The following CAMK2B variants were observed in gnomAD, a reference collection of about 807,000 sequenced individuals.
CAMK2B encodes the protein calcium/calmodulin-dependent protein kinase type II subunit beta.
A neutral mutation model predicts 93.7 loss-of-function variants in CAMK2B; 27 were observed. The ratio of observed to expected loss-of-function variants is 0.29; its 90% CI spans 0.21 to 0.40. The LOEUF is 0.40. CAMK2B is among the 10% of genes least tolerant of loss of function. The pLI, the probability that CAMK2B is intolerant of heterozygous loss-of-function variation, is 1.00. For synonymous variants in CAMK2B, 374 were observed against 358.8 expected, an observed-to-expected ratio of 1.04 and a Z score of -0.48; for missense variants, 568 against 895.8, an observed-to-expected ratio of 0.63 and a Z score of 4.67.
chr7:44,292,447 G>A (rs1166014836), intron 1 of CAMK2B, among the ~76,000 whole-genome samples: 1 of 152,204 alleles, frequency 6.6e-6, no homozygotes, highest in African/African-American at 2.4e-5. Flanking sequence ...ATCTGCCACT[G>A]TGTGCAGCTG....
intron 1 of CAMK2B, among the ~76,000 whole-genome samples, chr7:44,295,073 C>T (rs1260367282): frequency 1.3e-5 from 2 of 152,190 alleles, no homozygotes; most frequent in Non-Finnish European, 2.9e-5. Flanking sequence ...GGACTTATAA[C>T]TTAGCGCTGG....
chr7:44,273,718 C>T (rs1014036339), intron 2 of CAMK2B, among the ~76,000 whole-genome samples: 56 of 152,224 alleles, frequency 3.7e-4, no homozygotes, highest in African/African-American at 1.3e-3. Flanking sequence ...AAGGCCCAGA[C>T]TCCAGGGCTG....
chr7:44,219,050 C>T lies in CAMK2B; in HGVS notation c.*475G>A, dbSNP rs1008588683. 3.9e-5 allele frequency: 6 copies of T among 152,378 alleles called. No individual in the cohort carries two copies. Among genetic ancestry groups the T allele is most frequent in the African/African-American group, 1.4e-4 (6 of 41,458 alleles). 9.4% of individuals were successfully genotyped at this position (152,378 alleles called of 1,614,324 possible). Reference sequence around the variant, plus strand: ...CAGTCACGACAGCCAGCGAGCACACCACGTGGAGCCCATGCGTTGGCAGGA... The same window carrying T: ...CAGTCACGACAGCCAGCGAGCACACTACGTGGAGCCCATGCGTTGGCAGGA... On this transcript the variant is annotated 3_prime_UTR_variant, in exon 24 of 24. Coordinates refer to ENST00000395749, the MANE Select transcript of CAMK2B (RefSeq NM_001220.5).
intron 1 of CAMK2B, among the ~76,000 whole-genome samples, chr7:44,323,550 C>G (rs896361430): frequency 6.6e-6 from 1 of 152,208 alleles, no homozygotes; most frequent in East Asian, 1.9e-4. Context: ...GCTGGCCACC[C>G]GGACACTGCC....
intron 1 of CAMK2B, among the ~76,000 whole-genome samples, chr7:44,297,136 A>G (rs1788528308): frequency 6.6e-6 from 1 of 152,238 alleles, no homozygotes; most frequent in Admixed American, 6.5e-5. Flanking sequence ...TATCAGGGAT[A>G]GGAGAGAGGA....
intron 1 of CAMK2B, chr7:44,323,875 T>C: frequency 6.2e-6 from 1 of 161,912 alleles, no homozygotes; most frequent in Non-Finnish European, 1.4e-5. Flanking sequence ...GATCGGTGCA[T>C]CTGAGGGGTG....
At chr7:44,267,440 G>C (rs892621853) in intron 2 of CAMK2B, among the ~76,000 whole-genome samples, 2 of 152,164 alleles carry the variant, frequency 1.3e-5, no homozygotes, top group African/African-American at 4.8e-5. Context: ...TCTCACACCC[G>C]CTCTGATGTG....
chr7:44,239,164 C>T (rs1031802312), intron 13 of CAMK2B, among the ~76,000 whole-genome samples: 1 of 152,246 alleles, frequency 6.6e-6, no homozygotes, highest in Non-Finnish European at 1.5e-5. Context: ...CATGCGGCCC[C>T]AGAGGGGCAG....
chr7:44,272,532 A>C (rs2096984646), intron 2 of CAMK2B, among the ~76,000 whole-genome samples: 1 of 152,154 alleles, frequency 6.6e-6, no homozygotes, highest in South Asian at 2.1e-4. Context: ...CAGCTCCACC[A>C]CCCGCAAGAA....
Position 44,287,468 on chromosome 7 carries a change from C to T in CAMK2B, c.66-3243G>A, listed in dbSNP as rs574615376. On this transcript the variant is annotated intron_variant, in intron 1 of 23. Coordinates refer to ENST00000395749, the MANE Select transcript of CAMK2B (RefSeq NM_001220.5). ...AGATCCACCTCTGTCTCCTCCCCTT[C>T]CTGGTGGTTCTGCCACTTGCCAGAC... is the stretch of plus-strand genomic sequence containing the variant. Among the ~76,000 whole-genome samples, 8 of 152,330 alleles carry T rather than the reference C, an allele frequency of 5.3e-5. 1 individual carries two copies. The South Asian group carries it at 1.7e-3, about 32-fold the overall frequency.
At chr7:44,259,592 A>T (rs2096862727) in intron 3 of CAMK2B, 2 of 151,358 alleles carry the variant, frequency 1.3e-5, no homozygotes, top group Admixed American at 1.3e-4. Context: ...AATCTATGTG[A>T]AGCGTGCCTG....
Position 44,228,789 on chromosome 7 carries a change from TA to T in CAMK2B, c.1468+6del. Reference sequence around the variant, plus strand: ...CAGAGGCGGCAGGCCTGGGGGCCACTACTTACACGGGGAGGACAGGGGGCCT... The same window carrying T: ...CAGAGGCGGCAGGCCTGGGGGCCACTCTTACACGGGGAGGACAGGGGGCCT... On this transcript the variant is annotated splice_donor_region_variant and intron_variant, in intron 19 of 23. Coordinates refer to ENST00000395749, the MANE Select transcript of CAMK2B (RefSeq NM_001220.5). 6.8e-7 allele frequency: 1 copy of T among 1,470,978 alleles called. No homozygotes were observed. Among genetic ancestry groups the T allele is most frequent in the Non-Finnish European group, 9.0e-7 (1 of 1,113,182 alleles). The allele number at this position is 1,470,978 out of a possible 1,614,324, so 91.1% of individuals were successfully genotyped here.
At chr7:44,317,798 G>C (rs929179001) in intron 1 of CAMK2B, among the ~76,000 whole-genome samples, 8 of 152,116 alleles carry the variant, frequency 5.3e-5, no homozygotes, top group Non-Finnish European at 1.0e-4. Context: ...AGAAAATGAA[G>C]GTAAACTTCA....
At chr7:44,257,228 T>C (rs1423721871) in intron 4 of CAMK2B, among the ~76,000 whole-genome samples, 1 of 152,022 alleles carries the variant, frequency 6.6e-6, no homozygotes, top group Non-Finnish European at 1.5e-5. Context: ...CTCCAGAAAC[T>C]GCTGTCCCGG....
chr7:44,220,738 G>A, intron 21 of CAMK2B, 28 bp from the exon 22 acceptor site: 2 of 1,593,926 alleles, frequency 1.3e-6, no homozygotes, highest in Non-Finnish European at 1.7e-6. Flanking sequence ...GTGAGGAGGG[G>A]CCCCGTGGAC....
intron 1 of CAMK2B, among the ~76,000 whole-genome samples, chr7:44,303,574 G>C (rs1014900771): frequency 3.9e-5 from 6 of 152,168 alleles, no homozygotes; most frequent in Non-Finnish European, 8.8e-5. Context: ...TCTAGACACA[G>C]ATCTTACACC....
intron 1 of CAMK2B, among the ~76,000 whole-genome samples, chr7:44,289,819 C>A (rs763671502): frequency 2.6e-5 from 4 of 152,224 alleles, no homozygotes; most frequent in African/African-American, 7.2e-5. Context: ...CGCTGGGCCA[C>A]GCAGGATCAA....
intron 9 of CAMK2B, 41 bp from the exon 10 acceptor site, chr7:44,242,381 C>G: frequency 1.9e-6 from 3 of 1,597,660 alleles, no homozygotes; most frequent in Non-Finnish European, 2.6e-6. Context: ...CTGAAGCTCC[C>G]TCTCAGGCAG....
chr7:44,226,749 A>T, intron 19 of CAMK2B, 105 bp from the exon 20 acceptor site: 1 of 402,040 alleles, frequency 2.5e-6, no homozygotes, highest in Non-Finnish European at 3.6e-6. Context: ...GCACAGAGGC[A>T]GATGTGGGGG....
Sources: gnomAD v4.1 joint callset for allele counts (sites outside exome capture counted in the v4.1 genomes callset) on GRCh38, gnomAD v4.1.1 for gene constraint, MANE v1.5 for transcripts, NCBI Gene and HGNC (gene_info 2026-07-23, HGNC 2026-07-21) for gene names.